Variants in RALGPS1 observed in about 807,000 individuals in gnomAD.
RALGPS1 encodes ras-specific guanine nucleotide-releasing factor RalGPS1.
In RALGPS1, 19 loss-of-function variants were observed where a neutral mutation model predicts 78.8. The ratio of observed to expected loss-of-function variants is 0.24; its 90% CI spans 0.17 to 0.35. The LOEUF (loss-of-function observed/expected upper bound fraction) is 0.35. Ranked by LOEUF, RALGPS1 falls within the 10% of genes least tolerant of loss-of-function variation. The probability of loss-of-function intolerance (pLI) is 1.00; values close to 1 mark genes in which losing one functional copy is unlikely to be tolerated. For missense variants in RALGPS1, 454 were observed against 688.3 expected (o/e 0.66, Z 3.81); for synonymous variants, 228 against 256.3 (o/e 0.89, Z 1.06).
chr9:127,143,190 T>G (rs2138746963), intron 8 of RALGPS1, among the ~76,000 whole-genome samples: 1 of 152,322 alleles, frequency 6.6e-6, no homozygotes, highest in Admixed American at 6.5e-5. Context: ...TTTCCCTTCT[T>G]TTAGAATTAT....
chr9:127,018,504 C>T (rs1056447382), intron 4 of RALGPS1, among the ~76,000 whole-genome samples: 2 of 151,472 alleles, frequency 1.3e-5, no homozygotes, highest in African/African-American at 4.9e-5. Context: ...CGTGGTGGCG[C>T]GTACCTGGAG....
At chr9:127,210,341 A>C (rs573174412) in intron 14 of RALGPS1, among the ~76,000 whole-genome samples, 1 of 152,236 alleles carries the variant, frequency 6.6e-6, no homozygotes, top group African/African-American at 2.4e-5. Context: ...GCCGTGGACT[A>C]TCTGGGCTGT....
At chr9:126,925,218 G>A (rs1192327602) in intron 1 of RALGPS1, among the ~76,000 whole-genome samples, 1 of 151,832 alleles carries the variant, frequency 6.6e-6, no homozygotes, top group East Asian at 1.9e-4. Context: ...TAGTAGCAAG[G>A]TTAAATAACA....
chr9:127,161,058 C>T (rs531371050), intron 8 of RALGPS1, among the ~76,000 whole-genome samples: 1 of 152,350 alleles, frequency 6.6e-6, no homozygotes, highest in South Asian at 2.1e-4. Flanking sequence ...CAGTTACTGT[C>T]CATCTTCATA....
At chr9:127,051,065 T>G (rs1339538806) in intron 6 of RALGPS1, among the ~76,000 whole-genome samples, 4 of 152,218 alleles carry the variant, frequency 2.6e-5, no homozygotes, top group Non-Finnish European at 5.9e-5. Flanking sequence ...CCTCTCTGCC[T>G]TCAGGGAAGC....
chr9:127,130,060 G>T (rs1347620125), intron 8 of RALGPS1, among the ~76,000 whole-genome samples: 3 of 152,154 alleles, frequency 2.0e-5, no homozygotes, highest in Non-Finnish European at 2.9e-5. Context: ...AGCGAGTGAG[G>T]ACACGTGTGT....
chr9:127,179,645 G>T (rs2060094469), intron 11 of RALGPS1, among the ~76,000 whole-genome samples: 1 of 152,204 alleles, frequency 6.6e-6, no homozygotes, highest in Non-Finnish European at 1.5e-5. Context: ...CAGGTGCCCA[G>T]CAAGGCAAGA....
intron 8 of RALGPS1, among the ~76,000 whole-genome samples, chr9:127,157,136 C>G (rs1027079792): frequency 2.0e-5 from 3 of 152,070 alleles, no homozygotes; most frequent in Admixed American, 6.5e-5. Context: ...ACAAGCCCCT[C>G]TCTTCATTCT....
In RALGPS1 at chr9:127,213,036, C is replaced by T; in HGVS notation, c.1539C>T (p.Asn513=). ...AGCACCCAGATATCTTCCAGCTGAA[C>T]AACCCTGACAAAGGTAGGCAGCAGG... The part of the protein sequence containing the change: ...DPEHPDIFQL[N]NPDKGNVYKF... The change falls in exon 17 of 19, where the codon AAC becomes AAT. Residue 513 remains asparagine, a synonymous_variant. Coordinates refer to ENST00000259351, the MANE Select transcript of RALGPS1 (RefSeq NM_014636.3). 1 of 1,614,218 alleles carries T rather than the reference C, an allele frequency of 6.2e-7. No individual in the cohort carries two copies. Among genetic ancestry groups the T allele is most frequent in the Non-Finnish European group, 8.5e-7 (1 of 1,180,040 alleles).
At chr9:127,161,411 C>G (rs899151988) in intron 8 of RALGPS1, among the ~76,000 whole-genome samples, 2 of 152,238 alleles carry the variant, frequency 1.3e-5, no homozygotes, top group Non-Finnish European at 2.9e-5. Context: ...GGTAAAAAGG[C>G]TTGCCTAAGG....
At chr9:127,063,185 A>G (rs3949463) in intron 7 of RALGPS1, among the ~76,000 whole-genome samples, 55,178 of 152,126 alleles carry the variant, frequency 0.36, 12,277 homozygotes, top group Non-Finnish European at 0.48. Flanking sequence ...CATGGAGACA[A>G]CTTCCAGATT....
rs117214497 is a variant in RALGPS1 at position 127,060,739 on chromosome 9, T to G, written c.483+7800T>G. ...CTCTCCAAAACATACCTTCAAGGTTTTCACATCCCTGGTTAAAGATAGTTT... is the reference window on the plus strand; with the variant it reads ...CTCTCCAAAACATACCTTCAAGGTTGTCACATCCCTGGTTAAAGATAGTTT... On this transcript the variant is annotated intron_variant, in intron 7 of 18. Coordinates refer to ENST00000259351, the MANE Select transcript of RALGPS1 (RefSeq NM_014636.3). Among the ~76,000 whole-genome samples, 900 of 152,234 alleles carry G rather than the reference T, an allele frequency of 5.9e-3. 31 individuals are homozygous for G. The East Asian group carries it at 0.085, about 14-fold the overall frequency.
At chr9:127,171,315 C>T (rs192142020) in intron 10 of RALGPS1, among the ~76,000 whole-genome samples, 1 of 152,198 alleles carries the variant, frequency 6.6e-6, no homozygotes. Context: ...TTCTACTACA[C>T]TGGCTATTTT....
At chr9:127,137,239 G>A (rs1004753936) in intron 8 of RALGPS1, among the ~76,000 whole-genome samples, 2 of 152,126 alleles carry the variant, frequency 1.3e-5, no homozygotes, top group African/African-American at 4.8e-5. Flanking sequence ...TGTCCCACCC[G>A]GGCCACAGTG....
intron 4 of RALGPS1, among the ~76,000 whole-genome samples, chr9:127,029,628 C>G (rs2046249314): frequency 6.6e-6 from 1 of 152,194 alleles, no homozygotes; most frequent in African/African-American, 2.4e-5. Flanking sequence ...GTTTGATGAA[C>G]GTGATTTGGA....
intron 8 of RALGPS1, among the ~76,000 whole-genome samples, chr9:127,125,902 A>T (rs2056579310): frequency 6.6e-6 from 1 of 152,210 alleles, no homozygotes; most frequent in South Asian, 2.1e-4. Flanking sequence ...AATTCGTAAG[A>T]ATGATTTCGT....
chr9:126,960,164 TTCCCTCCCTCCCTCCC>T (rs1201890808), intron 1 of RALGPS1, among the ~76,000 whole-genome samples: 7 of 127,518 alleles, frequency 5.5e-5, no homozygotes, highest in Non-Finnish European at 1.0e-4. Flanking sequence ...CTTCCCTTCC[TTCCCTCCCTCCCTCCC>T]TCCCTCCCTC....
At chr9:127,023,331 G>A (rs1027423467) in intron 4 of RALGPS1, among the ~76,000 whole-genome samples, 10 of 152,070 alleles carry the variant, frequency 6.6e-5, no homozygotes, top group African/African-American at 2.4e-4. Context: ...TTCAAGACCC[G>A]GTCTGACTCA....
intron 14 of RALGPS1, among the ~76,000 whole-genome samples, chr9:127,206,543 C>A (rs1295186729): frequency 6.6e-6 from 1 of 152,088 alleles, no homozygotes; most frequent in South Asian, 2.1e-4. Context: ...GGGGTAACCA[C>A]CCCCATGATT....
Sources: allele counts gnomAD v4.1 joint callset (sites outside exome capture counted in the v4.1 genomes callset), GRCh38; gene constraint gnomAD v4.1.1; transcripts MANE v1.5; gene names NCBI Gene and HGNC (gene_info 2026-07-23, HGNC 2026-07-21).